The following KCNQ1OT1 variants were observed in gnomAD, a reference collection of about 807,000 sequenced individuals.
KCNQ1OT1 encodes the protein KCNQ1 opposite strand/antisense transcript 1.
rs986274372 is a variant in KCNQ1OT1 at position 2,661,472 on chromosome 11, C to T, written n.38523G>A. The T allele has an allele frequency of 2.5e-5, 11 of 435,788 alleles. No individual in the cohort carries two copies. The highest frequency in any genetic ancestry group is 1.2e-4 in the African/African-American group (6 of 49,950). The allele number at this position is 435,788 out of a possible 1,614,324, so 27.0% of individuals were successfully genotyped here. On this transcript the variant is annotated non_coding_transcript_exon_variant, in exon 1 of 1. Transcript: ENST00000597346. This position sits in a 1 kb window ranked among gnomAD's most constrained non-coding sequence, Gnocchi z 5.9. ...TTTTGAGGAAGGAGTTCTGTGGCTG[C>T]CCCCACCTCCCAGGCTTGCCATTCC... is the stretch of plus-strand genomic sequence containing the variant.
chr11:2,672,810 G>C (rs752168277), exon 1 of KCNQ1OT1: 1 of 398,836 alleles, frequency 2.5e-6, no homozygotes. Flanking sequence ...CAGAAGGGCT[G>C]GACCAAGTGA....
At position 2,627,038 on chromosome 11, in the gene KCNQ1OT1, C is replaced by T. The variant is rs1849272603; in HGVS notation, n.72957G>A. On this transcript the variant is annotated non_coding_transcript_exon_variant, in exon 1 of 1. Transcript: ENST00000597346. This position sits in a 1 kb window ranked among gnomAD's most constrained non-coding sequence, Gnocchi z 4.9. ...GGTACTGACACCTTAACAATATTGGCCTTCCAATCCATGAACATAGGAGGT... is the reference window on the plus strand; with the variant it reads ...GGTACTGACACCTTAACAATATTGGTCTTCCAATCCATGAACATAGGAGGT... 5.0e-6 allele frequency: 2 copies of T among 398,528 alleles called. No homozygotes were observed. The highest frequency in any genetic ancestry group is 8.8e-5 in the Admixed American group (2 of 22,728). The allele number at this position is 398,528 out of a possible 1,614,324, so 24.7% of individuals were successfully genotyped here. A position where few individuals can be genotyped will look rare whatever the true frequency, so the allele number is the denominator to read the frequency against.
exon 1 of KCNQ1OT1, chr11:2,631,842 T>C (rs189914893): frequency 3.0e-5 from 12 of 398,088 alleles, no homozygotes; most frequent in Admixed American, 2.2e-4. Flanking sequence ...GTAAATAGAG[T>C]TGTGTTAATA....
chr11:2,620,213 T>TATA lies in KCNQ1OT1; in HGVS notation n.79781_79782insTAT, dbSNP rs1305943444. The TATA allele has an allele frequency of 0.017, 4,281 of 247,060 alleles. 102 individuals carry two copies. The highest frequency in any genetic ancestry group is 0.069 in the East Asian group (979 of 14,156). 15.3% of individuals were successfully genotyped at this position (247,060 alleles called of 1,614,324 possible). ...AGTTCATTCATGTATATATATATATTTTTTTTTTTTATTTTTTTTTTAGAC... is the reference window on the plus strand; with the variant it reads ...AGTTCATTCATGTATATATATATATTATATTTTTTTTTTATTTTTTTTTTAGAC... On this transcript the variant is annotated non_coding_transcript_exon_variant, in exon 1 of 1. Coordinates refer to ENST00000597346, the Ensembl canonical transcript of KCNQ1OT1. The surrounding 1 kb of genome is among the most constrained non-coding windows in gnomAD (Gnocchi z 4.5).
Position 2,645,855 on chromosome 11 carries a change from A to C in KCNQ1OT1, n.54140T>G, listed in dbSNP as rs1159219555. ...TGCCTGAGGATTCAGGGGATGTGTG[A>C]ATTGCCTGAGGATTCAGGGTGATCT... On this transcript the variant is annotated non_coding_transcript_exon_variant, in exon 1 of 1. Coordinates refer to ENST00000597346, the Ensembl canonical transcript of KCNQ1OT1. The surrounding 1 kb of genome is among the most constrained non-coding windows in gnomAD (Gnocchi z 5.8). 1.8e-5 allele frequency: 7 copies of C among 398,460 alleles called. No individual in the cohort carries two copies. Among genetic ancestry groups the C allele is most frequent in the African/African-American group, 4.1e-5 (2 of 48,576 alleles). 24.7% of individuals were successfully genotyped at this position (398,460 alleles called of 1,614,324 possible).
rs1277135735 is a variant in KCNQ1OT1 at position 2,651,071 on chromosome 11, C to T, written n.48924G>A. On this transcript the variant is annotated non_coding_transcript_exon_variant, in exon 1 of 1. Transcript: ENST00000597346. This position sits in a 1 kb window ranked among gnomAD's most constrained non-coding sequence, Gnocchi z 6.1. ...TCTCTGCCTACATTGTTGTCCATACCTCATTACTGGTCTCTTGATTTCCAC... is the reference window on the plus strand; with the variant it reads ...TCTCTGCCTACATTGTTGTCCATACTTCATTACTGGTCTCTTGATTTCCAC... 7.5e-6 allele frequency: 3 copies of T among 398,686 alleles called. No homozygotes were observed. The highest frequency in any genetic ancestry group is 7.1e-5 in the East Asian group (2 of 28,100). 24.7% of individuals were successfully genotyped at this position (398,686 alleles called of 1,614,324 possible). A position where few individuals can be genotyped will look rare whatever the true frequency, so the allele number is the denominator to read the frequency against.
exon 1 of KCNQ1OT1, chr11:2,693,890 G>C (rs557606457): frequency 1.3e-5 from 5 of 398,762 alleles, no homozygotes; most frequent in East Asian, 7.1e-5. Context: ...AACCCTACTC[G>C]TCCTCCTCCT....
At chr11:2,655,930 A>G in exon 1 of KCNQ1OT1, 1 of 398,716 alleles carries the variant, frequency 2.5e-6, no homozygotes. Flanking sequence ...TAAACCAAAA[A>G]GCACACATTC....
At chr11:2,675,805 C>A (rs769041136) in exon 1 of KCNQ1OT1, 1 of 398,610 alleles carries the variant, frequency 2.5e-6, no homozygotes, top group Non-Finnish European at 4.4e-6. Context: ...ATACCAGCCA[C>A]GTGCATGCAG....
rs910058525 is a variant in KCNQ1OT1, at chr11:2,673,482, A to C, written n.26513T>G. ...CCGGAACACCTGAAAAGCCATACAG[A>C]CTCCTGCTCATCACAACCACTTGTT... On this transcript the variant is annotated non_coding_transcript_exon_variant, in exon 1 of 1. Coordinates refer to ENST00000597346, the Ensembl canonical transcript of KCNQ1OT1. This position sits in a 1 kb window ranked among gnomAD's most constrained non-coding sequence, Gnocchi z 4.5. The C allele has an allele frequency of 5.0e-6, 2 of 398,168 alleles. No homozygotes were observed. The highest frequency in any genetic ancestry group is 8.8e-6 in the Non-Finnish European group (2 of 226,018). The allele number at this position is 398,168 out of a possible 1,614,324, so 24.7% of individuals were successfully genotyped here.
rs1036503708 is a variant in KCNQ1OT1 at position 2,654,639 on chromosome 11, G to A, written n.45356C>T. On this transcript the variant is annotated non_coding_transcript_exon_variant, in exon 1 of 1. Coordinates refer to ENST00000597346, the Ensembl canonical transcript of KCNQ1OT1. This position sits in a 1 kb window ranked among gnomAD's most constrained non-coding sequence, Gnocchi z 6.4. ...CTAGGAAGGGCCCAGACACTGGCGA[G>A]AGTCTCTTGAGGGCAGAGGGCAGCA... The A allele has an allele frequency of 2.5e-6, 1 of 398,720 alleles. No homozygotes were observed. The highest frequency in any genetic ancestry group is 1.3e-4 in the South Asian group (1 of 7,866). 24.7% of individuals were successfully genotyped at this position (398,720 alleles called of 1,614,324 possible).
chr11:2,610,847 A>AG, exon 1 of KCNQ1OT1: 1 of 392,998 alleles, frequency 2.5e-6, no homozygotes, highest in East Asian at 3.6e-5. Flanking sequence ...AGAACAGGGG[A>AG]GGGTATTAAG....
chr11:2,644,338 T>G (rs1849631996), exon 1 of KCNQ1OT1: 1 of 398,276 alleles, frequency 2.5e-6, no homozygotes, highest in African/African-American at 2.1e-5. Flanking sequence ...GTGAAATTCT[T>G]TCTTCTGCTT....
In KCNQ1OT1 at chr11:2,644,397, A is replaced by G. The variant is rs1849633705; in HGVS notation, n.55598T>C. ...TCAAATATGTTTTTTATTTCATTCA[A>G]TCTATTATTCAATTCCAGAATATCT... On this transcript the variant is annotated non_coding_transcript_exon_variant, in exon 1 of 1. Transcript: ENST00000597346. 12 of 398,146 alleles carry G rather than the reference A, an allele frequency of 3.0e-5. No homozygotes were observed. The South Asian group carries it at 1.4e-3, about 46-fold the overall frequency. The allele number at this position is 398,146 out of a possible 1,614,324, so 24.7% of individuals were successfully genotyped here. A position where few individuals can be genotyped will look rare whatever the true frequency, so the allele number is the denominator to read the frequency against.
rs1850559309 is a variant in KCNQ1OT1, at chr11:2,689,836, G to T, written n.10159C>A. The T allele has an allele frequency of 7.5e-6, 3 of 398,678 alleles. 1 individual carries two copies. The highest frequency in any genetic ancestry group is 4.1e-5 in the African/African-American group (2 of 48,658). 24.7% of individuals were successfully genotyped at this position (398,678 alleles called of 1,614,324 possible). A position where few individuals can be genotyped will look rare whatever the true frequency, so the allele number is the denominator to read the frequency against. Reference sequence around the variant, plus strand: ...TGGTGCTTGGCCCTCCCAGGTGCCTGGTTGTGGCCTGCCACTTAGCACCCA... The same window carrying T: ...TGGTGCTTGGCCCTCCCAGGTGCCTTGTTGTGGCCTGCCACTTAGCACCCA... On this transcript the variant is annotated non_coding_transcript_exon_variant, in exon 1 of 1. Coordinates refer to ENST00000597346, the Ensembl canonical transcript of KCNQ1OT1.
Position 2,647,645 on chromosome 11 carries a change from G to A in KCNQ1OT1, n.52350C>T, listed in dbSNP as rs1322943848. ...GCAATCCTGAGGTTTTCTTTACTGG[G>A]AGACTTTATTACTGATACAATCTCA... On this transcript the variant is annotated non_coding_transcript_exon_variant, in exon 1 of 1. Transcript: ENST00000597346. This position sits in a 1 kb window ranked among gnomAD's most constrained non-coding sequence, Gnocchi z 4.0. 2.5e-6 allele frequency: 1 copy of A among 398,430 alleles called. No homozygotes were observed. Among genetic ancestry groups the A allele is most frequent in the East Asian group, 3.6e-5 (1 of 28,076 alleles). 24.7% of individuals were successfully genotyped at this position (398,430 alleles called of 1,614,324 possible).
exon 1 of KCNQ1OT1, chr11:2,614,179 T>C (rs1405931538): frequency 3.5e-5 from 14 of 398,386 alleles, no homozygotes; most frequent in Admixed American, 1.8e-4. Context: ...CCCCAAGAGG[T>C]GATTCTCTGA....
At chr11:2,696,489 T>A (rs1385471620) in exon 1 of KCNQ1OT1, 1 of 398,564 alleles carries the variant, frequency 2.5e-6, no homozygotes, top group African/African-American at 2.1e-5. Context: ...TGTGCCCTGG[T>A]ATCTGCCAGC....
Position 2,698,895 on chromosome 11 carries a change from A to G in KCNQ1OT1, n.1100T>C. ...ACCCCAACTACTCAGATCCCAACTC[A>G]GGCAAACTCCCAGCCAGGATGTGGA... On this transcript the variant is annotated non_coding_transcript_exon_variant, in exon 1 of 1. Transcript: ENST00000597346. This position sits in a 1 kb window ranked among gnomAD's most constrained non-coding sequence, Gnocchi z 5.1. 5 of 398,770 alleles carry G rather than the reference A, an allele frequency of 1.3e-5. No homozygotes were observed. Among genetic ancestry groups the G allele is most frequent in the African/African-American group, 4.1e-5 (2 of 48,756 alleles). 24.7% of individuals were successfully genotyped at this position (398,770 alleles called of 1,614,324 possible).
Sources: allele counts gnomAD v4.1 joint callset, GRCh38; gene constraint gnomAD v4.1.1; non-coding constraint Gnocchi (gnomAD v3.1); transcripts MANE v1.5; gene names NCBI Gene and HGNC (gene_info 2026-07-23, HGNC 2026-07-21).